The following GARIN2 variants were observed in gnomAD, a reference collection of about 807,000 sequenced individuals.
The protein encoded by GARIN2 is golgi associated RAB2 interactor family member 2, also known as Golgi-associated RAB2 interactor protein 2.
chr14:67,198,994 G>T, the GARIN2 span: 1 of 705,312 alleles, frequency 1.4e-6, no homozygotes, highest in South Asian at 1.5e-5. Context: ...TGATTTCACA[G>T]AGGGGTGACA....
At chr14:67,189,487 G>A in the GARIN2 span, 5 of 152,322 alleles carry the variant, frequency 3.3e-5, no homozygotes, top group Non-Finnish European at 5.9e-5. Flanking sequence ...AATGTGAAAA[G>A]AGTGGAAACG....
the GARIN2 span, among the ~76,000 whole-genome samples, chr14:67,207,859 T>G: frequency 1.3e-5 from 2 of 152,176 alleles, no homozygotes; most frequent in African/African-American, 2.4e-5. Flanking sequence ...AAACTCAGAC[T>G]GGGGAATCAG....
the GARIN2 span, among the ~76,000 whole-genome samples, chr14:67,196,223 C>CT: frequency 0.081 from 11,631 of 143,076 alleles, 703 homozygotes; most frequent in African/African-American, 0.15. Flanking sequence ...TTCTTTCTTT[C>CT]TTTTTTTTTT....
the GARIN2 span, among the ~76,000 whole-genome samples, chr14:67,207,665 C>A: frequency 6.5e-4 from 99 of 152,168 alleles, no homozygotes; most frequent in African/African-American, 2.1e-3. Flanking sequence ...CTAAGTGATT[C>A]TGAGCGAATC....
the GARIN2 span, among the ~76,000 whole-genome samples, chr14:67,227,023 C>G: frequency 6.6e-6 from 1 of 152,172 alleles, no homozygotes; most frequent in African/African-American, 2.4e-5. Context: ...ACAATGATTT[C>G]AATCCCTTGA....
At chr14:67,204,613 G>T in the GARIN2 span, 1 of 1,613,668 alleles carries the variant, frequency 6.2e-7, no homozygotes. Context: ...GCTGGTGAGT[G>T]GTCGAGCCTA....
the GARIN2 span, chr14:67,199,123 A>T: frequency 2.9e-6 from 4 of 1,389,712 alleles, no homozygotes; most frequent in East Asian, 9.1e-5. Context: ...GGGGGCCTGA[A>T]TGAGAAGGTT....
chr14:67,223,703 A>G, the GARIN2 span: 6 of 971,324 alleles, frequency 6.2e-6, no homozygotes, highest in Non-Finnish European at 6.1e-6. Context: ...TGTATTTCTT[A>G]TTTCTTTCCA....
chr14:67,203,064 A>T, the GARIN2 span: 1 of 1,603,050 alleles, frequency 6.2e-7, no homozygotes, highest in Non-Finnish European at 8.5e-7. Flanking sequence ...ATTTCATCAT[A>T]TAACGCCTTT....
At chr14:67,227,223 C>T in the GARIN2 span, among the ~76,000 whole-genome samples, 4 of 151,850 alleles carry the variant, frequency 2.6e-5, no homozygotes, top group African/African-American at 4.8e-5. Flanking sequence ...GGGTGGATCA[C>T]GAGGTCAGGA....
chr14:67,227,013 A>G, the GARIN2 span, among the ~76,000 whole-genome samples: 3 of 152,250 alleles, frequency 2.0e-5, no homozygotes, highest in African/African-American at 7.2e-5. Context: ...TCAATATTTT[A>G]CAATGATTTC....
the GARIN2 span, among the ~76,000 whole-genome samples, chr14:67,219,332 G>GTGA: frequency 6.6e-6 from 1 of 152,158 alleles, no homozygotes; most frequent in South Asian, 2.1e-4. Context: ...GTCCACATGG[G>GTGA]TGATATAGGT....
the GARIN2 span, among the ~76,000 whole-genome samples, chr14:67,193,984 CAGAA>C: frequency 8.1e-6 from 1 of 122,862 alleles, no homozygotes; most frequent in Non-Finnish European, 1.6e-5. Context: ...AAAAAAAAAA[CAGAA>C]AGAAAGAAAT....
the GARIN2 span, among the ~76,000 whole-genome samples, chr14:67,195,717 G>A: frequency 1.2e-5 from 1 of 80,690 alleles, no homozygotes; most frequent in Admixed American, 1.4e-4. Context: ...TTTTGGTTGT[G>A]TGTGTGTGTG....
the GARIN2 span, chr14:67,221,870 T>G: frequency 3.3e-5 from 52 of 1,591,294 alleles, 1 homozygote; most frequent in East Asian, 7.2e-4. Flanking sequence ...TCATCTCTGG[T>G]TCCTAGAAGA....
chr14:67,198,555 T>C, the GARIN2 span, among the ~76,000 whole-genome samples: 378 of 152,354 alleles, frequency 2.5e-3, 1 homozygote, highest in African/African-American at 8.8e-3. Context: ...TCTACCATAA[T>C]TGCCATTCCA....
At chr14:67,199,225 G>C in the GARIN2 span, 12 of 1,605,618 alleles carry the variant, frequency 7.5e-6, no homozygotes, top group South Asian at 4.4e-5. Context: ...CAGCACCAAG[G>C]CTATGACTTT....
chr14:67,209,721 G>A, the GARIN2 span, among the ~76,000 whole-genome samples: 110 of 151,654 alleles, frequency 7.3e-4, no homozygotes, highest in Non-Finnish European at 1.4e-3. Context: ...GGGAGGCTGA[G>A]GCAGGAGAAT....
At chr14:67,191,883 A>G in the GARIN2 span, among the ~76,000 whole-genome samples, 6 of 152,358 alleles carry the variant, frequency 3.9e-5, no homozygotes, top group South Asian at 1.0e-3. Flanking sequence ...ACTTTGTCAA[A>G]TGAAAACTAT....
Sources: gnomAD v4.1 joint callset for allele counts (sites outside exome capture counted in the v4.1 genomes callset) on GRCh38, gnomAD v4.1.1 for gene constraint, MANE v1.5 for transcripts, NCBI Gene and HGNC (gene_info 2026-07-23, HGNC 2026-07-21) for gene names.